TMC1: variants seen among roughly 807,000 people sequenced by gnomAD.
TMC1 encodes the protein transmembrane channel-like protein 1.
Under a neutral mutation model 105.8 loss-of-function variants are expected in TMC1, and 84 were observed. The ratio of observed to expected loss-of-function variants is 0.79; its 90% CI spans 0.67 to 0.95. The LOEUF (loss-of-function observed/expected upper bound fraction) is 0.95, where lower values mean the gene tolerates loss of function less well. TMC1 is among the 40% of genes least tolerant of loss of function. The pLI is 0.00. For missense variants in TMC1, 817 were observed against 914.1 expected (o/e 0.89, Z 1.37); for synonymous variants, 315 against 311.5 (o/e 1.01, Z -0.12).
At chr9:72,701,133 G>T (rs1051664343) in intron 8 of TMC1, among the ~76,000 whole-genome samples, 20 of 151,986 alleles carry the variant, frequency 1.3e-4, no homozygotes, top group Admixed American at 1.3e-3. Flanking sequence ...TTTCTCTTCA[G>T]GGCCCTGGTC....
chr9:72,543,686 G>T (rs1045664354), intron 1 of TMC1, among the ~76,000 whole-genome samples: 3 of 152,166 alleles, frequency 2.0e-5, no homozygotes, highest in African/African-American at 7.2e-5. Context: ...GGGAGGCTGA[G>T]GCAGAACTGC....
intron 1 of TMC1, among the ~76,000 whole-genome samples, chr9:72,529,097 CA>C (rs1823453485): frequency 7.3e-6 from 1 of 137,174 alleles, no homozygotes; most frequent in Non-Finnish European, 1.5e-5. Flanking sequence ...AATACTACAC[CA>C]TTTTTTTTTT....
chr9:72,822,986 A>G (rs546224804), intron 20 of TMC1, among the ~76,000 whole-genome samples: 1 of 152,336 alleles, frequency 6.6e-6, no homozygotes, highest in African/African-American at 2.4e-5. Flanking sequence ...CATGTAAATC[A>G]CTATTTTGAA....
chr9:72,793,896 C>T (rs1004745144), intron 17 of TMC1, among the ~76,000 whole-genome samples: 4 of 152,166 alleles, frequency 2.6e-5, no homozygotes, highest in Admixed American at 2.6e-4. Flanking sequence ...CTCTGTAACT[C>T]CCTGGACAGG....
intron 1 of TMC1, among the ~76,000 whole-genome samples, chr9:72,524,258 C>T (rs1823364686): frequency 6.6e-6 from 1 of 152,044 alleles, no homozygotes; most frequent in Non-Finnish European, 1.5e-5. Context: ...AAATTTGTGC[C>T]TTTATTCTGC....
chr9:72,636,661 T>C (rs1411429476), intron 4 of TMC1, among the ~76,000 whole-genome samples: 2 of 138,622 alleles, frequency 1.4e-5, no homozygotes, highest in South Asian at 2.3e-4. Flanking sequence ...AGAGCCAAGA[T>C]TGCGCCACTG....
intron 3 of TMC1, among the ~76,000 whole-genome samples, chr9:72,622,053 T>C (rs560874050): frequency 4.1e-4 from 62 of 152,268 alleles, no homozygotes; most frequent in Non-Finnish European, 6.9e-4. Context: ...CCTGTGGATC[T>C]TTCTCTTTTG....
At chr9:72,671,545 G>A (rs552729475) in intron 5 of TMC1, among the ~76,000 whole-genome samples, 7 of 152,270 alleles carry the variant, frequency 4.6e-5, no homozygotes, top group Non-Finnish European at 8.8e-5. Flanking sequence ...GGAATCATTG[G>A]AAAAGTCAAT....
intron 5 of TMC1, among the ~76,000 whole-genome samples, chr9:72,664,038 G>A (rs1826005609): frequency 6.6e-6 from 1 of 152,174 alleles, no homozygotes; most frequent in African/African-American, 2.4e-5. Context: ...CTCGTCTCCT[G>A]TGTTAACAAT....
At chr9:72,567,182 C>G (rs557868717) in intron 1 of TMC1, among the ~76,000 whole-genome samples, 1 of 152,224 alleles carries the variant, frequency 6.6e-6, no homozygotes, top group Non-Finnish European at 1.5e-5. Context: ...CCTGACTCCT[C>G]GTTCCAAGCA....
At chr9:72,620,645 T>C (rs769130552) in intron 3 of TMC1, among the ~76,000 whole-genome samples, 3 of 152,160 alleles carry the variant, frequency 2.0e-5, no homozygotes, top group Non-Finnish European at 4.4e-5. Flanking sequence ...TGGCCAAATT[T>C]GGTATAGTTG....
At chr9:72,818,271 C>T (rs1337878996) in intron 19 of TMC1, among the ~76,000 whole-genome samples, 3 of 152,116 alleles carry the variant, frequency 2.0e-5, no homozygotes, top group Admixed American at 6.6e-5. Context: ...CTTTAGGAAT[C>T]GCTGAGTAGT....
chr9:72,555,973 C>CAAAAAAAAAAAAAAAAAAAAAAAA (rs59431883), intron 1 of TMC1, among the ~76,000 whole-genome samples: 3 of 42,566 alleles, frequency 7.0e-5, no homozygotes, highest in African/African-American at 1.9e-4. Flanking sequence ...ATGACTAAGG[C>CAAAAAAAAAAAAAAAAAAAAAAAA]AAAAAAAAAA....
intron 5 of TMC1, among the ~76,000 whole-genome samples, chr9:72,676,129 A>G (rs1826198221): frequency 6.6e-6 from 1 of 152,182 alleles, no homozygotes; most frequent in Non-Finnish European, 1.5e-5. Context: ...TCTTCTTTCA[A>G]TATTGGTTGA....
intron 5 of TMC1, among the ~76,000 whole-genome samples, chr9:72,683,268 A>G (rs1484643282): frequency 2.1e-5 from 3 of 145,614 alleles, no homozygotes; most frequent in Admixed American, 1.4e-4. Flanking sequence ...TGAAAATTGG[A>G]TTGATTTACT....
intron 5 of TMC1, among the ~76,000 whole-genome samples, chr9:72,662,061 C>T (rs1228927680): frequency 1.3e-5 from 2 of 152,172 alleles, no homozygotes; most frequent in Non-Finnish European, 2.9e-5. Context: ...CTTATCTTCC[C>T]CAGGATCTGG....
intron 2 of TMC1, among the ~76,000 whole-genome samples, chr9:72,603,944 G>C (rs1325305876): frequency 7.8e-6 from 1 of 128,848 alleles, no homozygotes; most frequent in Non-Finnish European, 1.6e-5. Context: ...TTGGCTCATT[G>C]CAACTTCTGC....
chr9:72,524,995 G>A (rs1338450172), intron 1 of TMC1, among the ~76,000 whole-genome samples: 7 of 152,154 alleles, frequency 4.6e-5, no homozygotes, highest in Non-Finnish European at 1.0e-4. Flanking sequence ...GGATTGTGGA[G>A]GTTTTTCTTG....
intron 8 of TMC1, among the ~76,000 whole-genome samples, chr9:72,737,202 C>T (rs945704481): frequency 6.6e-6 from 1 of 152,100 alleles, no homozygotes; most frequent in African/African-American, 2.4e-5. Flanking sequence ...TCTGCATTTA[C>T]CTGGCGTTTC....
Sources: gnomAD v4.1 joint callset for allele counts (sites outside exome capture counted in the v4.1 genomes callset) on GRCh38, gnomAD v4.1.1 for gene constraint, MANE v1.5 for transcripts, NCBI Gene and HGNC (gene_info 2026-07-23, HGNC 2026-07-21) for gene names.